The following FOXN4 variants were observed in gnomAD, a reference collection of about 807,000 sequenced individuals.
The protein encoded by FOXN4 is forkhead box protein N4.
In FOXN4, 12 loss-of-function variants were observed where a neutral mutation model predicts 45.0. That is an observed-to-expected ratio of 0.27 (90% CI 0.17 to 0.43). The LOEUF (loss-of-function observed/expected upper bound fraction) is 0.43, where lower values mean the gene tolerates loss of function less well. Ranked by LOEUF, FOXN4 falls within the 20% of genes least tolerant of loss-of-function variation. The pLI, the probability that FOXN4 is intolerant of heterozygous loss-of-function variation, is 1.00. For synonymous variants in FOXN4, 297 were observed against 295.0 expected (o/e 1.01, Z -0.07); for missense variants, 560 against 694.9 (o/e 0.81, Z 2.18).
chr12:109,305,078 G>A (rs533681768), intron 2 of FOXN4, among the ~76,000 whole-genome samples: 5 of 152,170 alleles, frequency 3.3e-5, no homozygotes, highest in Non-Finnish European at 7.3e-5. Flanking sequence ...TCCAACACCC[G>A]TGCTCATGGC....
chr12:109,284,685 T>C (rs1682669010), intron 8 of FOXN4, among the ~76,000 whole-genome samples: 1 of 151,088 alleles, frequency 6.6e-6, no homozygotes, highest in South Asian at 2.1e-4. Flanking sequence ...TGTGTGTGTG[T>C]GCATCCAGGC....
At chr12:109,304,226 A>G (rs1453916298) in intron 2 of FOXN4, among the ~76,000 whole-genome samples, 2 of 23,840 alleles carry the variant, frequency 8.4e-5, no homozygotes, top group African/African-American at 3.4e-4. Context: ...AGAAAGAGAA[A>G]GAAAGAAAGA....
At chr12:109,286,565 G>T in intron 7 of FOXN4, 83 bp downstream of exon 7, 2 of 1,369,914 alleles carry the variant, frequency 1.5e-6, no homozygotes, top group Non-Finnish European at 2.0e-6. Context: ...AAAGAGGGTT[G>T]GCCCAGGGCC....
chr12:109,297,814 A>G (rs1486027132), intron 2 of FOXN4, among the ~76,000 whole-genome samples: 4 of 152,222 alleles, frequency 2.6e-5, no homozygotes, highest in Non-Finnish European at 5.9e-5. Flanking sequence ...TGTCTCCCCA[A>G]TAGGCAGGCA....
chr12:109,290,867 T>C lies in FOXN4; in HGVS notation c.87-581A>G, dbSNP rs1324139538. ...TGTGCTGAGGCAGCTGAGTGCCTGC[T>C]ACCTGCCAGGCCCTGGACTCAGCAT... On this transcript the variant is annotated intron_variant, in intron 2 of 9. Transcript: ENST00000299162. The surrounding 1 kb of genome is among the most constrained non-coding windows in gnomAD (Gnocchi z 5.1). Among the ~76,000 whole-genome samples, 1 of 152,206 alleles carries C rather than the reference T, an allele frequency of 6.6e-6. No homozygotes were observed. Among genetic ancestry groups the C allele is most frequent in the Non-Finnish European group, 1.5e-5 (1 of 68,028 alleles).
chr12:109,281,897 C>T (rs2047657027), intron 8 of FOXN4, 98 bp from the exon 9 acceptor site: 3 of 1,378,650 alleles, frequency 2.2e-6, no homozygotes, highest in Non-Finnish European at 2.9e-6. Flanking sequence ...ACCTGTGTGA[C>T]CTTAGCAAGC....
intron 6 of FOXN4, 56 bp from the exon 7 acceptor site, chr12:109,286,800 T>G (rs766608865): frequency 2.7e-5 from 42 of 1,551,514 alleles, no homozygotes; most frequent in Non-Finnish European, 3.5e-5. Flanking sequence ...AGGCCAGGCA[T>G]GAAAGGGTCT....
At chr12:109,285,226 G>A in intron 8 of FOXN4, 78 bp downstream of exon 8, 1 of 1,514,800 alleles carries the variant, frequency 6.6e-7, no homozygotes, top group Non-Finnish European at 8.9e-7. Flanking sequence ...GTGGATGTCG[G>A]CCAGGTCCTT....
intron 2 of FOXN4, among the ~76,000 whole-genome samples, chr12:109,298,344 G>GTTTTTTTTTTTTTCTTTTTTTTTTTTT (rs71079539): frequency 2.3e-5 from 3 of 131,854 alleles, no homozygotes; most frequent in Non-Finnish European, 3.3e-5. Context: ...TTTTTTTTTT[G>GTTTTTTTTTTTTTCTTTTTTTTTTTTT]TTTTTTTTTT....
chr12:109,299,876 C>T (rs1486932646), intron 2 of FOXN4, among the ~76,000 whole-genome samples: 1 of 152,200 alleles, frequency 6.6e-6, no homozygotes, highest in Non-Finnish European at 1.5e-5. Flanking sequence ...GCGGGGCAGC[C>T]CAGCCCCGGG....
chr12:109,307,389 G>A (rs913214085), intron 2 of FOXN4, among the ~76,000 whole-genome samples: 1 of 152,188 alleles, frequency 6.6e-6, no homozygotes, highest in African/African-American at 2.4e-5. Context: ...CCCTGGAAAC[G>A]AGGTCAGGGC....
At position 109,287,627 on chromosome 12, in the gene FOXN4, C is replaced by A; in HGVS notation, c.469-103G>T. 1 of 1,396,620 alleles carries A rather than the reference C, an allele frequency of 7.2e-7. No individual in the cohort carries two copies. Among genetic ancestry groups the A allele is most frequent in the Non-Finnish European group, 9.5e-7 (1 of 1,050,298 alleles). 86.5% of individuals were successfully genotyped at this position (1,396,620 alleles called of 1,614,324 possible). A position where few individuals can be genotyped will look rare whatever the true frequency, so the allele number is the denominator to read the frequency against. On this transcript the variant is annotated intron_variant, in intron 5 of 9. Transcript: ENST00000299162. The surrounding 1 kb of genome is among the most constrained non-coding windows in gnomAD (Gnocchi z 4.1). ...CACTGTCCCCACCCCAGTTTCAAAA[C>A]ACCTTGTGTGGGGATTCACAACCGT...
rs1018002463 is a variant in FOXN4 at position 109,279,204 on chromosome 12, G to A, written c.*467C>T. The A allele has an allele frequency of 3.7e-5, 7 of 188,884 alleles. No homozygotes were observed. Among genetic ancestry groups the A allele is most frequent in the Admixed American group, 1.6e-4 (3 of 18,732 alleles). The allele number at this position is 188,884 out of a possible 1,614,324, so 11.7% of individuals were successfully genotyped here. A position where few individuals can be genotyped will look rare whatever the true frequency, so the allele number is the denominator to read the frequency against. ...CCTGGGCCTGTCCCCCGGAGGCTGC[G>A]GCTGAGGTTTGATCCACTCAGCCAT... is the stretch of plus-strand genomic sequence containing the variant. On this transcript the variant is annotated 3_prime_UTR_variant, in exon 10 of 10. Coordinates refer to ENST00000299162, the MANE Select transcript of FOXN4 (RefSeq NM_213596.3).
At position 109,278,726 on chromosome 12, in the gene FOXN4, C is replaced by G. The variant is rs1445673437; in HGVS notation, c.*945G>C. 6.6e-6 allele frequency: 1 copy of G among 152,096 alleles called. No homozygotes were observed. The highest frequency in any genetic ancestry group is 2.4e-5 in the African/African-American group (1 of 41,406). 9.4% of individuals were successfully genotyped at this position (152,096 alleles called of 1,614,324 possible). On this transcript the variant is annotated 3_prime_UTR_variant, in exon 10 of 10. Transcript: ENST00000299162. ...CCAAGCCCCCAAACAATGGCACCGC[C>G]CCTCTTAGGTACATGCAAGAAGAGA...
At chr12:109,296,694 C>T (rs1184196125) in intron 2 of FOXN4, among the ~76,000 whole-genome samples, 1 of 152,154 alleles carries the variant, frequency 6.6e-6, no homozygotes, top group African/African-American at 2.4e-5. Flanking sequence ...ACCCTCATGC[C>T]CCCAGGGGAG....
intron 2 of FOXN4, among the ~76,000 whole-genome samples, chr12:109,292,853 C>G (rs1222680832): frequency 6.6e-6 from 1 of 152,080 alleles, no homozygotes; most frequent in African/African-American, 2.4e-5. Flanking sequence ...AGCCTGTTTC[C>G]CTATAGAGTG....
At chr12:109,285,252 T>C (rs1192695696) in intron 8 of FOXN4, 52 bp downstream of exon 8, 12 of 1,500,876 alleles carry the variant, frequency 8.0e-6, no homozygotes, top group South Asian at 3.6e-5. Context: ...TCCGTGTGTG[T>C]GTGTGTGTGT....
Position 109,308,220 on chromosome 12 carries a change from T to C in FOXN4, c.86+16A>G. 2 of 1,534,868 alleles carry C rather than the reference T, an allele frequency of 1.3e-6. No homozygotes were observed. Among genetic ancestry groups the C allele is most frequent in the Non-Finnish European group, 1.8e-6 (2 of 1,136,586 alleles). On this transcript the variant is annotated intron_variant, in intron 2 of 9. Coordinates refer to ENST00000299162, the MANE Select transcript of FOXN4 (RefSeq NM_213596.3). Reference sequence around the variant, plus strand: ...CAATTAAAAAATATATAGTTTGTTATTGTTGGAGCCCTCACCTGTATTCCT... The same window carrying C: ...CAATTAAAAAATATATAGTTTGTTACTGTTGGAGCCCTCACCTGTATTCCT...
At position 109,290,994 on chromosome 12, in the gene FOXN4, A is replaced by C. The variant is rs1486539558; in HGVS notation, c.87-708T>G. The stretch of plus-strand genomic sequence containing the variant: ...GAGAAAACTGAGGCTTGGAGCACCG[A>C]GTCACCTGCCCAAGGCGACACAGAA... On this transcript the variant is annotated intron_variant, in intron 2 of 9. Coordinates refer to ENST00000299162, the MANE Select transcript of FOXN4 (RefSeq NM_213596.3). This position sits in a 1 kb window ranked among gnomAD's most constrained non-coding sequence, Gnocchi z 5.1. Among the ~76,000 whole-genome samples, 1 of 152,068 alleles carries C rather than the reference A, an allele frequency of 6.6e-6. No individual in the cohort carries two copies. Among genetic ancestry groups the C allele is most frequent in the Non-Finnish European group, 1.5e-5 (1 of 68,024 alleles).
Sources: gnomAD v4.1 joint callset for allele counts (sites outside exome capture counted in the v4.1 genomes callset) on GRCh38, gnomAD v4.1.1 for gene constraint, Gnocchi (gnomAD v3.1) non-coding constraint, MANE v1.5 for transcripts, NCBI Gene and HGNC (gene_info 2026-07-23, HGNC 2026-07-21) for gene names.